PTPRJ: variants seen among roughly 807,000 people sequenced by gnomAD.
PTPRJ encodes the protein receptor-type tyrosine-protein phosphatase eta.
A neutral mutation model predicts 141.3 loss-of-function variants in PTPRJ; 129 were observed. The ratio of observed to expected loss-of-function variants is 0.91; its 90% CI spans 0.79 to 1.06. The LOEUF (loss-of-function observed/expected upper bound fraction) is 1.06, where lower values mean the gene tolerates loss of function less well. Ranked by LOEUF, PTPRJ falls within the 50% of genes least tolerant of loss-of-function variation. The probability of loss-of-function intolerance (pLI) is 0.00; values close to 1 mark genes in which losing one functional copy is unlikely to be tolerated. For missense variants in PTPRJ, 1,601 were observed against 1,679.7 expected (o/e 0.95, Z 0.82); for synonymous variants, 610 against 640.5 (o/e 0.95, Z 0.72).
intron 18 of PTPRJ, among the ~76,000 whole-genome samples, chr11:48,152,946 C>T (rs1857518762): frequency 6.6e-6 from 1 of 152,128 alleles, no homozygotes. Context: ...AGATCCCACT[C>T]ATAGGTATTG....
At chr11:48,161,457 A>G (rs1857776383) in intron 22 of PTPRJ, among the ~76,000 whole-genome samples, 1 of 152,056 alleles carries the variant, frequency 6.6e-6, no homozygotes, top group South Asian at 2.1e-4. Context: ...ATTAAGTAGT[A>G]ATTCTTTACT....
intron 18 of PTPRJ, 42 bp downstream of exon 18, chr11:48,150,225 A>C (rs775497452): frequency 1.3e-6 from 2 of 1,575,120 alleles, no homozygotes; most frequent in East Asian, 4.5e-5. Flanking sequence ...GTCAGGTTCC[A>C]ACCCAAGCTG....
intron 1 of PTPRJ, among the ~76,000 whole-genome samples, chr11:48,076,963 G>C (rs1353500509): frequency 1.3e-5 from 2 of 152,094 alleles, no homozygotes; most frequent in South Asian, 4.1e-4. Context: ...CACCTCCCCA[G>C]TTCAAGTGAT....
At chr11:48,070,997 G>A (rs1269510162) in intron 1 of PTPRJ, among the ~76,000 whole-genome samples, 1 of 152,134 alleles carries the variant, frequency 6.6e-6, no homozygotes, top group African/African-American at 2.4e-5. Context: ...CCTTTAGTTG[G>A]TCTGAATGTC....
chr11:48,088,370 A>G (rs974545801), intron 1 of PTPRJ, among the ~76,000 whole-genome samples: 4 of 152,218 alleles, frequency 2.6e-5, no homozygotes, highest in African/African-American at 9.7e-5. Context: ...TTCCCTCTTG[A>G]AGGCTTGTAA....
At chr11:48,028,568 C>T (rs1223231833) in intron 1 of PTPRJ, among the ~76,000 whole-genome samples, 1 of 152,086 alleles carries the variant, frequency 6.6e-6, no homozygotes, top group African/African-American at 2.4e-5. Flanking sequence ...AGGTGGGTGG[C>T]TCACCTGAGG....
At chr11:48,103,228 G>A (rs1856194879) in intron 1 of PTPRJ, among the ~76,000 whole-genome samples, 1 of 152,190 alleles carries the variant, frequency 6.6e-6, no homozygotes, top group Admixed American at 6.5e-5. Context: ...GGAAACCTGA[G>A]GTGGAGGAAA....
intron 1 of PTPRJ, among the ~76,000 whole-genome samples, chr11:48,025,136 G>T (rs773430768): frequency 6.6e-6 from 1 of 152,110 alleles, no homozygotes; most frequent in Non-Finnish European, 1.5e-5. Flanking sequence ...GGAATCTAGG[G>T]GGGGCATACA....
intron 18 of PTPRJ, among the ~76,000 whole-genome samples, chr11:48,151,554 A>G (rs548662804): frequency 6.6e-6 from 1 of 150,714 alleles, no homozygotes; most frequent in East Asian, 2.0e-4. Flanking sequence ...TGCTGCACCC[A>G]TTAACTCATC....
chr11:48,125,239 C>G (rs1331591214), intron 6 of PTPRJ, 53 bp downstream of exon 6: 1 of 1,566,890 alleles, frequency 6.4e-7, no homozygotes, highest in Admixed American at 1.7e-5. Flanking sequence ...GCACAATGTT[C>G]TGTCTCCTGT....
At chr11:48,082,792 C>T (rs1442878570) in intron 1 of PTPRJ, among the ~76,000 whole-genome samples, 2 of 152,032 alleles carry the variant, frequency 1.3e-5, no homozygotes, top group Non-Finnish European at 2.9e-5. Context: ...CCATGTATTA[C>T]ATAATAGGGG....
intron 1 of PTPRJ, among the ~76,000 whole-genome samples, chr11:48,053,064 T>C (rs1257214877): frequency 5.9e-5 from 8 of 135,368 alleles, no homozygotes; most frequent in African/African-American, 2.0e-4. Context: ...TTTTTTTTTT[T>C]CCCCTCCAAC....
chr11:48,156,909 A>G (rs1857622625), intron 21 of PTPRJ, among the ~76,000 whole-genome samples: 1 of 151,330 alleles, frequency 6.6e-6, no homozygotes, highest in Non-Finnish European at 1.5e-5. Flanking sequence ...TTTAAGCAAA[A>G]TCTCAGACTT....
chr11:48,059,738 C>T (rs1854867836), intron 1 of PTPRJ, among the ~76,000 whole-genome samples: 1 of 152,152 alleles, frequency 6.6e-6, no homozygotes, highest in South Asian at 2.1e-4. Context: ...AATGCTTCCT[C>T]CCAGCCGCCT....
intron 21 of PTPRJ, among the ~76,000 whole-genome samples, chr11:48,156,861 T>A (rs7925831): frequency 0.98 from 149,455 of 152,140 alleles, 73,468 homozygotes; most frequent in Middle Eastern, 1. Flanking sequence ...TGTTGGGATT[T>A]CAGGCGTGAG....
At chr11:48,020,587 G>T (rs1855089518) in intron 1 of PTPRJ, among the ~76,000 whole-genome samples, 1 of 152,132 alleles carries the variant, frequency 6.6e-6, no homozygotes, top group Admixed American at 6.5e-5. Flanking sequence ...CAGAGTGAAG[G>T]CTCAGACTGC....
At chr11:48,023,285 A>C (rs1853706533) in intron 1 of PTPRJ, among the ~76,000 whole-genome samples, 1 of 152,092 alleles carries the variant, frequency 6.6e-6, no homozygotes, top group South Asian at 2.1e-4. Flanking sequence ...TATTCTTGCT[A>C]CCTCTTCCTC....
intron 1 of PTPRJ, among the ~76,000 whole-genome samples, chr11:47,995,411 G>A (rs570973062): frequency 6.6e-6 from 1 of 152,322 alleles, no homozygotes; most frequent in South Asian, 2.1e-4. Context: ...ATAGGACAGG[G>A]CGTGTCTGAG....
intron 1 of PTPRJ, among the ~76,000 whole-genome samples, chr11:48,009,321 C>T (rs959280491): frequency 3.9e-5 from 6 of 152,146 alleles, no homozygotes; most frequent in Non-Finnish European, 5.9e-5. Context: ...ACAGGCTGGG[C>T]GCAGTGGCTC....
Sources: allele counts gnomAD v4.1 joint callset (sites outside exome capture counted in the v4.1 genomes callset), GRCh38; gene constraint gnomAD v4.1.1; transcripts MANE v1.5; gene names NCBI Gene and HGNC (gene_info 2026-07-23, HGNC 2026-07-21).